Variants in ELAVL2 observed in about 807,000 individuals in gnomAD.
ELAVL2 encodes ELAV-like protein 2.
ELAVL2 carries 4 observed loss-of-function variants against 34.6 expected under a neutral mutation model. The observed-to-expected ratio is 0.12, with a 90% CI of 0.06 to 0.26. The LOEUF is 0.26. ELAVL2 is among the 10% of genes least tolerant of loss of function. The pLI, the probability that ELAVL2 is intolerant of heterozygous loss-of-function variation, is 1.00. For synonymous variants in ELAVL2, 193 were observed against 154.8 expected (o/e 1.25, Z -1.83); for missense variants, 432 against 442.8 (o/e 0.98, Z 0.22).
At chr9:23,759,757 T>TATAC (rs1471902579) in intron 2 of ELAVL2, among the ~76,000 whole-genome samples, 1 of 62,606 alleles carries the variant, frequency 1.6e-5, no homozygotes, top group Non-Finnish European at 2.9e-5. Flanking sequence ...TATAGTATTA[T>TATAC]ATATATATAT....
At chr9:23,695,101 G>A (rs1211629050) in intron 5 of ELAVL2, among the ~76,000 whole-genome samples, 1 of 152,168 alleles carries the variant, frequency 6.6e-6, no homozygotes, top group Admixed American at 6.5e-5. Flanking sequence ...GCAGAGGTGA[G>A]TACAGTCAAA....
chr9:23,749,026 T>C (rs1174866146), intron 2 of ELAVL2, among the ~76,000 whole-genome samples: 1 of 152,054 alleles, frequency 6.6e-6, no homozygotes, highest in Non-Finnish European at 1.5e-5. Context: ...AGTTTCTATC[T>C]GGGATGATGA....
At chr9:23,846,692 T>A in the ELAVL2 span, among the ~76,000 whole-genome samples, 2 of 152,042 alleles carry the variant, frequency 1.3e-5, no homozygotes, top group Non-Finnish European at 2.9e-5. Context: ...AAAAGAGAAA[T>A]AACCAGACAA....
intron 3 of ELAVL2, among the ~76,000 whole-genome samples, chr9:23,725,755 TCTC>T (rs2134262911): frequency 6.6e-6 from 1 of 152,278 alleles, no homozygotes; most frequent in East Asian, 1.9e-4. Context: ...AAAATTATTC[TCTC>T]TTCAGGAGAG....
rs946491708 is a variant in ELAVL2 at position 23,694,306 on chromosome 9, G to C, written c.714-820C>G. 7.3e-5 allele frequency among the ~76,000 whole-genome samples: 11 copies of C among 151,284 alleles called. No homozygotes were observed. In the South Asian group the frequency reaches 2.3e-3, roughly 32 times the overall value. Reference sequence around the variant, plus strand: ...AGTAAATAGGGGTGGGGGTGGAGGTGTAAGTACTCTTTAAAACCTTCTACA... The same window carrying C: ...AGTAAATAGGGGTGGGGGTGGAGGTCTAAGTACTCTTTAAAACCTTCTACA... On this transcript the variant is annotated intron_variant, in intron 5 of 6. Transcript: ENST00000397312.
chr9:23,767,140 G>A (rs34152730), intron 1 of ELAVL2, among the ~76,000 whole-genome samples: 1 of 152,068 alleles, frequency 6.6e-6, no homozygotes, highest in Non-Finnish European at 1.5e-5. Context: ...TGAAAGCGTA[G>A]GTTTTATTGG....
At position 23,731,025 on chromosome 9, in the gene ELAVL2, T is replaced by A; in HGVS notation, c.330A>T (p.Ile110=). ...LNGLRLQTKT[I]KVSYARPSSA... ...TATAAAAAAACTTTAAACATACTTT[T>A]ATTGTTTTGGTTTGAAGTCTCAATC... Residue 110 remains isoleucine (I), a synonymous_variant, in exon 3 of 7, where the codon ATA becomes ATT. Transcript: ENST00000397312. 7 of 1,611,134 alleles carry A rather than the reference T, an allele frequency of 4.3e-6. No homozygotes were observed. Among genetic ancestry groups the A allele is most frequent in the Non-Finnish European group, 5.9e-6 (7 of 1,178,760 alleles).
intron 1 of ELAVL2, among the ~76,000 whole-genome samples, chr9:23,803,533 C>G (rs702219): frequency 0.026 from 3,900 of 152,262 alleles, 136 homozygotes; most frequent in African/African-American, 0.09. Flanking sequence ...CCTTTAGCCA[C>G]ATCAGCCCAT....
chr9:23,751,595 G>T (rs1362240751), intron 2 of ELAVL2, among the ~76,000 whole-genome samples: 1 of 152,206 alleles, frequency 6.6e-6, no homozygotes, highest in East Asian at 1.9e-4. Context: ...GATAAAATGA[G>T]ACTATTTAGT....
chr9:23,816,158 G>C (rs1436624672), intron 1 of ELAVL2, among the ~76,000 whole-genome samples: 1 of 151,706 alleles, frequency 6.6e-6, no homozygotes, highest in Non-Finnish European at 1.5e-5. Flanking sequence ...TTCTTCAAAT[G>C]CTTAAAGAGA....
Position 23,692,763 on chromosome 9 carries a change from G to A in ELAVL2, c.874C>T (p.Leu292=). Residue 292 remains leucine, a synonymous_variant, in exon 7 of 7, where the codon CTG becomes TTG. Transcript: ENST00000397312. ...CCAAAAGGCCCAAACATTTGCCACA[G>A]GATACTCTCATCTGCGTCAGGAGCC... ...NLAPDADESI[L]WQMFGPFGAV... is the part of the protein sequence containing the mutation. 6.2e-7 allele frequency: 1 copy of A among 1,614,158 alleles called. No individual in the cohort carries two copies. The highest frequency in any genetic ancestry group is 8.5e-7 in the Non-Finnish European group (1 of 1,180,000).
At chr9:23,824,145 G>T (rs910489775) in intron 1 of ELAVL2, among the ~76,000 whole-genome samples, 1 of 152,184 alleles carries the variant, frequency 6.6e-6, no homozygotes, top group African/African-American at 2.4e-5. Context: ...CAGACCTGCA[G>T]CCGGTAATTA....
At chr9:23,818,110 C>T (rs2063977144) in intron 1 of ELAVL2, among the ~76,000 whole-genome samples, 2 of 152,106 alleles carry the variant, frequency 1.3e-5, no homozygotes, top group Admixed American at 1.3e-4. Context: ...TGTGCGTAAC[C>T]AGAACCGGTG....
intron 1 of ELAVL2, among the ~76,000 whole-genome samples, chr9:23,787,316 A>G (rs1474514636): frequency 7.3e-5 from 11 of 151,212 alleles, no homozygotes; most frequent in Admixed American, 5.9e-4. Context: ...CTGGAGTGCA[A>G]TGGCATGATC....
At chr9:23,763,670 T>C (rs189035327) in intron 1 of ELAVL2, among the ~76,000 whole-genome samples, 3 of 152,136 alleles carry the variant, frequency 2.0e-5, no homozygotes, top group East Asian at 3.9e-4. Context: ...CAGATAAACA[T>C]ATAGGAAGAA....
At chr9:23,726,997 C>A (rs1452255917) in intron 3 of ELAVL2, among the ~76,000 whole-genome samples, 3 of 152,062 alleles carry the variant, frequency 2.0e-5, no homozygotes, top group African/African-American at 7.2e-5. Context: ...CTTGACACTT[C>A]CATGAGATTA....
the ELAVL2 span, among the ~76,000 whole-genome samples, chr9:23,832,027 C>G: frequency 6.6e-6 from 1 of 152,130 alleles, no homozygotes; most frequent in African/African-American, 2.4e-5. Flanking sequence ...TTAAACCAAT[C>G]TGGTATAAAA....
chr9:23,782,024 T>C (rs2136854704), intron 1 of ELAVL2, among the ~76,000 whole-genome samples: 1 of 152,224 alleles, frequency 6.6e-6, no homozygotes, highest in Middle Eastern at 3.4e-3. Flanking sequence ...TTTTGCCATG[T>C]TGCTCAGGCT....
chr9:23,693,369 T>C (rs1401386716), intron 6 of ELAVL2, 79 bp downstream of exon 6: 16 of 1,533,684 alleles, frequency 1.0e-5, no homozygotes, highest in Non-Finnish European at 1.4e-5. Flanking sequence ...TTATGAGGGG[T>C]GTGAATAGCA....
Sources: allele counts gnomAD v4.1 joint callset (sites outside exome capture counted in the v4.1 genomes callset), GRCh38; gene constraint gnomAD v4.1.1; transcripts MANE v1.5; gene names NCBI Gene and HGNC (gene_info 2026-07-23, HGNC 2026-07-21).